PDE8A: variants seen among roughly 807,000 people sequenced by gnomAD.
PDE8A encodes phosphodiesterase 8A, also known as high affinity cAMP-specific and IBMX-insensitive 3',5'-cyclic phosphodiesterase 8A.
A neutral mutation model predicts 105.0 loss-of-function variants in PDE8A; 59 were observed. That is an observed-to-expected ratio of 0.56 (90% CI 0.46 to 0.70). The LOEUF (loss-of-function observed/expected upper bound fraction) is 0.70. PDE8A is among the 30% of genes least tolerant of loss of function. PDE8A has a pLI of 0.00. For missense variants in PDE8A, 1,014 were observed against 1,045.9 expected (o/e 0.97, Z 0.42); for synonymous variants, 355 against 371.9 (o/e 0.95, Z 0.52).
chr15:85,062,259 G>T (rs1336028624), intron 1 of PDE8A, among the ~76,000 whole-genome samples: 1 of 152,084 alleles, frequency 6.6e-6, no homozygotes, highest in Non-Finnish European at 1.5e-5. Flanking sequence ...TTATTGTTTT[G>T]TTTTGTTTTG....
intron 5 of PDE8A, among the ~76,000 whole-genome samples, chr15:85,082,636 C>G (rs2081485304): frequency 6.6e-6 from 1 of 152,140 alleles, no homozygotes; most frequent in Non-Finnish European, 1.5e-5. Flanking sequence ...CCAGATTGGT[C>G]TGGCTGGGGC....
At chr15:85,075,643 C>G (rs929159347) in intron 3 of PDE8A, among the ~76,000 whole-genome samples, 1 of 152,162 alleles carries the variant, frequency 6.6e-6, no homozygotes, top group Non-Finnish European at 1.5e-5. Context: ...AATTCATACT[C>G]CATAATCATT....
chr15:84,999,121 CTTT>C (rs35710429), intron 1 of PDE8A, among the ~76,000 whole-genome samples: 2 of 131,502 alleles, frequency 1.5e-5, no homozygotes, highest in Non-Finnish European at 1.6e-5. Flanking sequence ...AGGTCACATT[CTTT>C]TTTTTTTTTT....
At chr15:84,987,532 T>C (rs189826733) in intron 1 of PDE8A, among the ~76,000 whole-genome samples, 2,550 of 148,588 alleles carry the variant, frequency 0.017, 38 homozygotes, top group Non-Finnish European at 0.022. Context: ...AGTGTAATGG[T>C]GCGATCTCAG....
At position 85,006,050 on chromosome 15, in the gene PDE8A, CA is replaced by C. The variant is rs373844129; in HGVS notation, c.186+23703del. On this transcript the variant is annotated intron_variant, in intron 1 of 21. Transcript: ENST00000394553. ...AATGGCAAATGACTCAGGAGAAGTA[CA>C]GTTTCTGAGCTCAGACCTAAAGAAA... 3.3e-3 allele frequency among the ~76,000 whole-genome samples: 494 copies of C among 151,864 alleles called. 4 individuals carry two copies. The highest frequency in any genetic ancestry group is 2.4e-3 in the Non-Finnish European group (163 of 67,974).
intron 1 of PDE8A, among the ~76,000 whole-genome samples, chr15:85,059,572 T>C (rs2081113034): frequency 6.6e-6 from 1 of 152,228 alleles, no homozygotes; most frequent in Admixed American, 6.5e-5. Flanking sequence ...TAACATATAG[T>C]GTCCTCCTTT....
chr15:85,128,052 C>CAAAAAAA (rs61221393), intron 20 of PDE8A, among the ~76,000 whole-genome samples: 19 of 57,202 alleles, frequency 3.3e-4, no homozygotes, highest in East Asian at 6.1e-4. Context: ...TATTCCTATG[C>CAAAAAAA]AAAAAAAAAA....
chr15:85,014,996 A>G (rs1324417573), intron 1 of PDE8A, among the ~76,000 whole-genome samples: 2 of 152,100 alleles, frequency 1.3e-5, no homozygotes, highest in African/African-American at 4.8e-5. Context: ...GAATTTACCA[A>G]TGAACGTTTG....
In PDE8A at chr15:85,091,106, G is replaced by T. The variant is rs771737003; in HGVS notation, c.777G>T (p.Glu259Asp). Reference sequence around the variant, plus strand: ...AGTCAGGTGAATTAATAGGGAAGGAGTTAGGAGAAGTGCCTATAAATGAAA... The same window carrying T: ...AGTCAGGTGAATTAATAGGGAAGGATTTAGGAGAAGTGCCTATAAATGAAA... ...GYQSGELIGK[E>D]LGEVPINEKK... The change falls in exon 8 of 22, where the codon GAG (glutamate) becomes GAT (aspartate). Residue 259 changes from glutamate (E) to aspartate (D), a missense_variant. Coordinates refer to ENST00000394553, the MANE Select transcript of PDE8A (RefSeq NM_002605.3). 6.2e-7 allele frequency: 1 copy of T among 1,612,834 alleles called. No individual in the cohort carries two copies. Among genetic ancestry groups the T allele is most frequent in the Non-Finnish European group, 8.5e-7 (1 of 1,178,896 alleles).
At chr15:85,055,928 T>A (rs1395045873) in intron 1 of PDE8A, among the ~76,000 whole-genome samples, 2 of 152,312 alleles carry the variant, frequency 1.3e-5, no homozygotes, top group East Asian at 3.9e-4. Context: ...ATTTGGCATG[T>A]TTTTGCAGTG....
intron 3 of PDE8A, among the ~76,000 whole-genome samples, chr15:85,075,268 C>A (rs2081365037): frequency 6.6e-6 from 1 of 152,228 alleles, no homozygotes; most frequent in Admixed American, 6.5e-5. Flanking sequence ...TTGTACTTTT[C>A]TAGACCAGTC....
rs561826800 is a variant in PDE8A at position 85,070,638 on chromosome 15, G to A, written c.434+3434G>A. Among the ~76,000 whole-genome samples the A allele has an allele frequency of 6.6e-5, 10 of 152,220 alleles. No individual in the cohort carries two copies. In the East Asian group the frequency reaches 1.7e-3, roughly 26 times the overall value. ...ATGTGTAGAAACAGGCAGGACATCC[G>A]GGCACCTCTGCTCAGTGCTAGATGG... On this transcript the variant is annotated intron_variant, in intron 3 of 21. Transcript: ENST00000394553.
chr15:85,125,504 A>G lies in PDE8A; in HGVS notation c.2086-703A>G, dbSNP rs576404418. 9.6e-4 allele frequency among the ~76,000 whole-genome samples: 146 copies of G among 152,334 alleles called. 1 individual carries two copies. Among genetic ancestry groups the G allele is most frequent in the African/African-American group, 3.4e-3 (141 of 41,576 alleles). ...TACTGTGAGTGGAAGGCATGCTGGGACTAAAGGCAGAACTGAAGTTCTTAT... is the reference window on the plus strand; with the variant it reads ...TACTGTGAGTGGAAGGCATGCTGGGGCTAAAGGCAGAACTGAAGTTCTTAT... On this transcript the variant is annotated intron_variant, in intron 19 of 21. Coordinates refer to ENST00000394553, the MANE Select transcript of PDE8A (RefSeq NM_002605.3).
rs2082449057 is a variant in PDE8A at position 85,138,465 on chromosome 15, T to G, written c.*562T>G. On this transcript the variant is annotated 3_prime_UTR_variant, in exon 22 of 22. Transcript: ENST00000394553. ...ATTTATTTTATTAAAAGCTCAATAT[T>G]TTCTATGAATTCAAAAATACTTCAG... is the stretch of plus-strand genomic sequence containing the variant. The G allele has an allele frequency of 6.6e-6, 1 of 152,662 alleles. No individual in the cohort carries two copies. The highest frequency in any genetic ancestry group is 2.1e-4 in the South Asian group (1 of 4,830). 9.5% of individuals were successfully genotyped at this position (152,662 alleles called of 1,614,324 possible). A position where few individuals can be genotyped will look rare whatever the true frequency, so the allele number is the denominator to read the frequency against.
At chr15:84,990,457 TA>T (rs2079869853) in intron 1 of PDE8A, among the ~76,000 whole-genome samples, 1 of 152,256 alleles carries the variant, frequency 6.6e-6, no homozygotes, top group Admixed American at 6.5e-5. Context: ...TTGCCTATTC[TA>T]GATTTCATGT....
chr15:84,983,872 T>C (rs1377538595), intron 1 of PDE8A, among the ~76,000 whole-genome samples: 2 of 152,236 alleles, frequency 1.3e-5, no homozygotes, highest in Non-Finnish European at 2.9e-5. Context: ...CCTAGGTGTC[T>C]TGTAAGCCTC....
At position 85,136,671 on chromosome 15, in the gene PDE8A, A is replaced by T. The variant is rs534650366; in HGVS notation, c.2383+8A>T. On this transcript the variant is annotated splice_region_variant and intron_variant, in intron 21 of 21. Coordinates refer to ENST00000394553, the MANE Select transcript of PDE8A (RefSeq NM_002605.3). The stretch of plus-strand genomic sequence containing the variant: ...TGTTTGATGCTTGGGATGGTAAGAA[A>T]TCTTCCTTAAAATAGCATATTTTCC... 20 of 1,612,650 alleles carry T rather than the reference A, an allele frequency of 1.2e-5. No individual in the cohort carries two copies. In the East Asian group the frequency reaches 4.0e-4, roughly 32 times the overall value.
intron 1 of PDE8A, among the ~76,000 whole-genome samples, chr15:85,042,001 CTGAGA>C (rs970944778): frequency 6.6e-6 from 1 of 151,988 alleles, no homozygotes; most frequent in Non-Finnish European, 1.5e-5. Flanking sequence ...CTTGATTTTT[CTGAGA>C]TGATTATTTG....
At chr15:85,133,052 C>T (rs1024952633) in intron 20 of PDE8A, among the ~76,000 whole-genome samples, 5 of 152,194 alleles carry the variant, frequency 3.3e-5, no homozygotes, top group African/African-American at 1.2e-4. Context: ...TGAAAACTGT[C>T]TCTCAGCCTT....
Sources: allele counts gnomAD v4.1 joint callset (sites outside exome capture counted in the v4.1 genomes callset), GRCh38; gene constraint gnomAD v4.1.1; transcripts MANE v1.5; gene names NCBI Gene and HGNC (gene_info 2026-07-23, HGNC 2026-07-21).